EIF4G3: variants seen among roughly 807,000 people sequenced by gnomAD.
The protein encoded by EIF4G3 is eukaryotic translation initiation factor 4 gamma 3.
In EIF4G3, 34 loss-of-function variants were observed where a neutral mutation model predicts 186.4. The ratio of observed to expected loss-of-function variants is 0.18; its 90% CI spans 0.14 to 0.24. The LOEUF is 0.24. EIF4G3 is among the 10% of genes least tolerant of loss of function. The pLI, the probability that EIF4G3 is intolerant of heterozygous loss-of-function variation, is 1.00. For synonymous variants in EIF4G3, 673 were observed against 679.5 expected, an observed-to-expected ratio of 0.99 and a Z score of 0.15; for missense variants, 1,536 against 1,948.5, an observed-to-expected ratio of 0.79 and a Z score of 3.99.
intron 2 of EIF4G3, among the ~76,000 whole-genome samples, chr1:21,149,486 ATATACGG>A: frequency 6.6e-6 from 1 of 152,260 alleles, no homozygotes; most frequent in East Asian, 1.9e-4. Context: ...GCCTATCCAG[ATATACGG>A]TATTTTACTG....
intron 14 of EIF4G3, among the ~76,000 whole-genome samples, chr1:20,922,366 G>GT (rs1182567907): frequency 2.6e-5 from 4 of 151,972 alleles, no homozygotes; most frequent in Non-Finnish European, 5.9e-5. Context: ...GTACAGTGGC[G>GT]TGATCTCCGC....
intron 14 of EIF4G3, among the ~76,000 whole-genome samples, chr1:20,919,257 G>A (rs891231237): frequency 6.6e-6 from 1 of 152,182 alleles, no homozygotes; most frequent in Admixed American, 6.5e-5. Context: ...CGCCCAGGCT[G>A]AAGAACAGTG....
intron 2 of EIF4G3, among the ~76,000 whole-genome samples, chr1:21,125,713 TG>T (rs1314722853): frequency 3.3e-5 from 5 of 150,758 alleles, no homozygotes; most frequent in Non-Finnish European, 7.4e-5. Context: ...AGCAAGACTC[TG>T]TATCGAAAAT....
intron 23 of EIF4G3, 34 bp from the exon 24 acceptor site, chr1:20,860,551 T>A: frequency 1.3e-6 from 2 of 1,586,166 alleles, no homozygotes; most frequent in South Asian, 2.3e-5. Context: ...ATCTGCCAGA[T>A]AAACTGAACA....
chr1:20,944,977 C>T (rs2095875902), intron 13 of EIF4G3, among the ~76,000 whole-genome samples: 1 of 151,998 alleles, frequency 6.6e-6, no homozygotes, highest in Admixed American at 6.6e-5. Flanking sequence ...TGTACTTCAG[C>T]CTGGGTGATA....
chr1:21,125,578 G>A lies in EIF4G3; in HGVS notation c.-271-36365C>T, dbSNP rs2097016679. Among the ~76,000 whole-genome samples, 4 of 152,012 alleles carry A rather than the reference G, an allele frequency of 2.6e-5. No homozygotes were observed. The South Asian group carries it at 8.3e-4, about 32-fold the overall frequency. On this transcript the variant is annotated intron_variant, in intron 2 of 36. Transcript: ENST00000602326. ...TAATAAAAATATAAAAATTAGCCAG[G>A]CATGGTGGCGGGTGCCTGTAATCCC...
At chr1:21,090,888 A>T (rs2096173327) in intron 2 of EIF4G3, among the ~76,000 whole-genome samples, 1 of 152,238 alleles carries the variant, frequency 6.6e-6, no homozygotes. Context: ...TAATATCAGG[A>T]GATAAAAAAA....
intron 12 of EIF4G3, among the ~76,000 whole-genome samples, chr1:20,961,306 C>G (rs759579861): frequency 6.6e-5 from 10 of 152,034 alleles, no homozygotes; most frequent in Non-Finnish European, 1.0e-4. Context: ...TCGCTTGAAC[C>G]AGGGAGGCAG....
chr1:21,169,949 G>A (rs189249538), intron 2 of EIF4G3, among the ~76,000 whole-genome samples: 2 of 152,206 alleles, frequency 1.3e-5, no homozygotes, highest in East Asian at 3.9e-4. Flanking sequence ...GGCCAAGGCA[G>A]GCGGATCACA....
intron 14 of EIF4G3, among the ~76,000 whole-genome samples, chr1:20,908,199 G>A (rs1469658770): frequency 6.6e-6 from 1 of 152,122 alleles, no homozygotes; most frequent in Non-Finnish European, 1.5e-5. Flanking sequence ...CTTCTTTTGA[G>A]AAGTGTCTGT....
chr1:21,131,483 T>C (rs1427918658), intron 2 of EIF4G3, among the ~76,000 whole-genome samples: 1 of 137,258 alleles, frequency 7.3e-6, no homozygotes, highest in Non-Finnish European at 1.6e-5. Context: ...AAACCACAGA[T>C]CCAAGAAGTT....
At chr1:21,063,876 ATT>A (rs529362148) in intron 3 of EIF4G3, among the ~76,000 whole-genome samples, 10 of 136,346 alleles carry the variant, frequency 7.3e-5, no homozygotes, top group Admixed American at 1.5e-4. Context: ...CACCCAGCTA[ATT>A]TTTTTTTTTT....
intron 27 of EIF4G3, among the ~76,000 whole-genome samples, chr1:20,852,640 T>C (rs565898871): frequency 3.9e-5 from 6 of 152,140 alleles, no homozygotes; most frequent in Admixed American, 3.9e-4. Flanking sequence ...AGCAGCAAAT[T>C]AAAAGGGAAA....
At chr1:21,086,715 G>T (rs1050357854) in intron 3 of EIF4G3, among the ~76,000 whole-genome samples, 1 of 151,908 alleles carries the variant, frequency 6.6e-6, no homozygotes, top group Non-Finnish European at 1.5e-5. Context: ...CAAGGTGGGC[G>T]GATCACTTGA....
chr1:21,001,185 G>A lies in EIF4G3; in HGVS notation c.144+14C>T, dbSNP rs1194028882. 6.4e-6 allele frequency: 3 copies of A among 471,412 alleles called. No homozygotes were observed. The highest frequency in any genetic ancestry group is 4.7e-5 in the Admixed American group (2 of 42,570). 29.2% of individuals were successfully genotyped at this position (471,412 alleles called of 1,614,324 possible). A position where few individuals can be genotyped will look rare whatever the true frequency, so the allele number is the denominator to read the frequency against. On this transcript the variant is annotated intron_variant, in intron 6 of 36. Transcript: ENST00000602326. ...CCACTGCCTGCAAGAAGTACAGTTT[G>A]TTATATTGCTTACAATGCAGTATTT...
chr1:21,098,916 C>T (rs1220967728), intron 2 of EIF4G3, among the ~76,000 whole-genome samples: 1 of 152,196 alleles, frequency 6.6e-6, no homozygotes, highest in East Asian at 1.9e-4. Context: ...GGATTATAGG[C>T]ACGACCCACT....
chr1:20,869,229 G>T (rs1250116082), intron 20 of EIF4G3, among the ~76,000 whole-genome samples: 1 of 151,608 alleles, frequency 6.6e-6, no homozygotes, highest in African/African-American at 2.4e-5. Flanking sequence ...TATTTGTAAT[G>T]AATAGGATAA....
chr1:21,037,795 TA>T (rs1172930484), intron 4 of EIF4G3, among the ~76,000 whole-genome samples: 7 of 152,216 alleles, frequency 4.6e-5, no homozygotes, highest in Non-Finnish European at 1.0e-4. Context: ...ACAAAGCCTA[TA>T]AAGTATCATT....
intron 13 of EIF4G3, among the ~76,000 whole-genome samples, chr1:20,947,569 C>T (rs193239863): frequency 7.3e-6 from 1 of 137,776 alleles, no homozygotes; most frequent in Non-Finnish European, 1.6e-5. Context: ...AAAGAAAGAA[C>T]GAGAGAGCAA....
Sources: allele counts gnomAD v4.1 joint callset (sites outside exome capture counted in the v4.1 genomes callset), GRCh38; gene constraint gnomAD v4.1.1; transcripts MANE v1.5; gene names NCBI Gene and HGNC (gene_info 2026-07-23, HGNC 2026-07-21).